The following ZAN variants were observed in gnomAD, a reference collection of about 807,000 sequenced individuals.
The protein encoded by ZAN is zonadhesin.
A neutral mutation model predicts 286.2 loss-of-function variants in ZAN; 260 were observed. That is an observed-to-expected ratio of 0.91 (90% CI 0.82 to 1.01). ZAN has a LOEUF of 1.01. Ranked by LOEUF, ZAN falls within the 50% of genes least tolerant of loss-of-function variation. The pLI is 0.00. For synonymous variants in ZAN, 1,368 were observed against 1,417.5 expected (o/e 0.97, Z 0.79); for missense variants, 3,410 against 3,639.2 (o/e 0.94, Z 1.62).
At chr7:100,785,809 C>T (rs1327678757) in intron 36 of ZAN, among the ~76,000 whole-genome samples, 188 bp from the exon 37 acceptor site, 2 of 152,120 alleles carry the variant, frequency 1.3e-5, no homozygotes, top group Admixed American at 6.6e-5. Context: ...CAAGTGTGTG[C>T]TACCACACCT....
chr7:100,756,194 C>G (rs944396487), intron 15 of ZAN, among the ~76,000 whole-genome samples: 3 of 152,178 alleles, frequency 2.0e-5, no homozygotes, highest in African/African-American at 4.8e-5. Context: ...TAAGTCCTAA[C>G]ACATACAATT....
At position 100,763,935 on chromosome 7, in the gene ZAN, A is replaced by C; in HGVS notation, c.4097+19A>C. 1 of 1,609,884 alleles carries C rather than the reference A, an allele frequency of 6.2e-7. No homozygotes were observed. The highest frequency in any genetic ancestry group is 1.1e-5 in the South Asian group (1 of 90,650). ...CATTTGAGTATGAAGGAGGGCAGGC[A>C]GGGTCGCACAGGGGCGATGCTTGGC... On this transcript the variant is annotated intron_variant, in intron 21 of 47. Coordinates refer to ENST00000613979, the MANE Select transcript of ZAN (RefSeq NM_003386.3). This position sits in a 1 kb window ranked among gnomAD's most constrained non-coding sequence, Gnocchi z 4.6.
chr7:100,771,938 C>A lies in ZAN; in HGVS notation c.5343C>A (p.Ala1781=). 1 of 1,612,426 alleles carries A rather than the reference C, an allele frequency of 6.2e-7. No individual in the cohort carries two copies. Among genetic ancestry groups the A allele is most frequent in the Non-Finnish European group, 8.5e-7 (1 of 1,179,772 alleles). Residue 1781 remains alanine (A), a synonymous_variant, in exon 29 of 48, where the codon GCC becomes GCA. Transcript: ENST00000613979. The stretch of plus-strand genomic sequence containing the variant: ...GTGGGACCAAGGGCGACACCACAGC[C>A]CTGTGCCGCTCCCTGCAGGCCTACG... ...GQCGTKGDTT[A]LCRSLQAYAS...
chr7:100,790,824 A>T, intron 39 of ZAN, 118 bp from the exon 40 acceptor site: 4 of 1,150,880 alleles, frequency 3.5e-6, no homozygotes, highest in Non-Finnish European at 4.7e-6. Context: ...CGGAGGTTGC[A>T]GTGAGCCAAG....
chr7:100,791,140 G>C, intron 40 of ZAN, 27 bp downstream of exon 40: 1 of 1,598,786 alleles, frequency 6.3e-7, no homozygotes, highest in Middle Eastern at 1.7e-4. Flanking sequence ...GGATGAGGCG[G>C]GGGAGGTGAA....
rs757359828 is a variant in ZAN, at chr7:100,797,359, C to T, written c.8267-7C>T. ...TCGACCTAATGTCTCTTCCCCGCAC[C>T]CAGAAGCATCTAACCTGGTGGGCGT... On this transcript the variant is annotated splice_polypyrimidine_tract_variant and splice_region_variant and intron_variant, in intron 45 of 47. Coordinates refer to ENST00000613979, the MANE Select transcript of ZAN (RefSeq NM_003386.3). 2.5e-6 allele frequency: 4 copies of T among 1,613,592 alleles called. No homozygotes were observed. In the Admixed American group the frequency reaches 6.7e-5, roughly 27 times the overall value.
In ZAN at chr7:100,740,290, TTTA is replaced by T. The variant is rs1291753664; in HGVS notation, c.766+1680_766+1682del. ...TTGAGCAGTGACTTGATCTGACTTA[TTTA>T]TTTTTTTTTTTTTAATTTATTTTTT... On this transcript the variant is annotated intron_variant, in intron 7 of 47. Coordinates refer to ENST00000613979, the MANE Select transcript of ZAN (RefSeq NM_003386.3). 2.8e-5 allele frequency among the ~76,000 whole-genome samples: 3 copies of T among 105,500 alleles called. No individual in the cohort carries two copies. In the East Asian group the frequency reaches 6.8e-4, roughly 24 times the overall value. The allele number at this position is 105,500 out of a possible 152,430, so 69.2% of individuals were successfully genotyped here. A position where few individuals can be genotyped will look rare whatever the true frequency, so the allele number is the denominator to read the frequency against.
intron 34 of ZAN, among the ~76,000 whole-genome samples, 167 bp downstream of exon 34, chr7:100,776,731 T>C (rs1381963863): frequency 9.2e-6 from 1 of 108,522 alleles, no homozygotes; most frequent in Non-Finnish European, 1.9e-5. Flanking sequence ...TTTTTTTTTT[T>C]TTTTTTTTTT....
chr7:100,769,175 C>CCT, intron 27 of ZAN, among the ~76,000 whole-genome samples: 2 of 152,110 alleles, frequency 1.3e-5, no homozygotes, highest in African/African-American at 4.8e-5. Flanking sequence ...CTCGCTGCAA[C>CCT]TTCCGCCTCC....
intron 8 of ZAN, 88 bp from the exon 9 acceptor site, chr7:100,747,462 C>T: frequency 9.6e-7 from 1 of 1,037,052 alleles, no homozygotes; most frequent in Non-Finnish European, 1.5e-6. Flanking sequence ...CCAGCTATGC[C>T]CTCTGCTCCT....
chr7:100,746,261 C>G (rs1037331233), intron 7 of ZAN, among the ~76,000 whole-genome samples: 1 of 152,158 alleles, frequency 6.6e-6, no homozygotes, highest in South Asian at 2.1e-4. Flanking sequence ...ACAACAACAA[C>G]AAAGAGTTAG....
intron 11 of ZAN, 99 bp downstream of exon 11, chr7:100,748,569 G>T: frequency 1.4e-6 from 2 of 1,480,032 alleles, no homozygotes; most frequent in Non-Finnish European, 1.8e-6. Flanking sequence ...GTTTCAGGCA[G>T]TGGGAAGATC....
At chr7:100,761,947 G>GATAAATAAATAAATAA (rs113604904) in intron 19 of ZAN, among the ~76,000 whole-genome samples, 1 of 147,982 alleles carries the variant, frequency 6.8e-6, no homozygotes, top group African/African-American at 2.5e-5. Context: ...TGAAAAAAAG[G>GATAAATAAATAAATAA]ATAAATAAAT....
Position 100,789,344 on chromosome 7 carries a change from G to T in ZAN, c.7354G>T (p.Ala2452Ser). The T allele has an allele frequency of 6.2e-7, 1 of 1,613,606 alleles. No individual in the cohort carries two copies. Among genetic ancestry groups the T allele is most frequent in the South Asian group, 1.1e-5 (1 of 90,992 alleles). Residue 2452 changes from alanine (A) to serine (S), a missense_variant, in exon 39 of 48, where the codon GCA (alanine) becomes TCA (serine). Around this residue, in one of 7 missense-constraint regions of ZAN, gnomAD observed 1,289 missense variants for 1,314.3 expected, o/e 0.98. Transcript: ENST00000613979. ...CGTCAGCTTTGGTGGAAGGAAAAATGCAGGTAATGGAGAGAGGGGAAAGAA... is the reference window on the plus strand; with the variant it reads ...CGTCAGCTTTGGTGGAAGGAAAAATTCAGGTAATGGAGAGAGGGGAAAGAA... ...LVVSFGGRKN[A>S]VISLPSMYEG...
chr7:100,791,151 C>A (rs932288878), intron 40 of ZAN, 38 bp downstream of exon 40: 1 of 1,591,262 alleles, frequency 6.3e-7, no homozygotes, highest in African/African-American at 1.3e-5. Context: ...GGGAGGTGAA[C>A]AACAATGTCT....
At chr7:100,760,567 A>ACTTCTTCCTGCTGCCTCTTCCTGCTGCCT (rs1340379595) in intron 19 of ZAN, 31 bp downstream of exon 19, 4 of 1,609,038 alleles carry the variant, frequency 2.5e-6, no homozygotes, top group South Asian at 1.1e-5. Context: ...GGCAGCTGCC[A>ACTTCTTCCTGCTGCCTCTTCCTGCTGCCT]CTTCTTCCTG....
intron 40 of ZAN, among the ~76,000 whole-genome samples, chr7:100,791,395 C>CCTCCTCCTCCTCCTTCTTCTT (rs1318419316): frequency 6.6e-6 from 1 of 151,656 alleles, no homozygotes; most frequent in Non-Finnish European, 1.5e-5. Flanking sequence ...TCCTCCTTCT[C>CCTCCTCCTCCTCCTTCTTCTT]CTCCTCCTCC....
rs1808681874 is a variant in ZAN at position 100,751,796 on chromosome 7, C to T, written c.1691C>T (p.Thr564Ile). ...SETTGLTENP[T>I]ISTKKPTVSI... ...ACCACTGGCCTCACAGAAAACCCTA[C>T]AATCTCCACCAAGAAACCTACAGTT... The change falls in exon 14 of 48, where the codon ACA becomes ATA. Residue 564 changes from threonine (T) to isoleucine (I), a missense_variant. Thr to Ile is a moderately conservative substitution (Grantham distance 89, BLOSUM62 -1). Coordinates refer to ENST00000613979, the MANE Select transcript of ZAN (RefSeq NM_003386.3). 1.2e-6 allele frequency: 2 copies of T among 1,613,196 alleles called. No individual in the cohort carries two copies. The highest frequency in any genetic ancestry group is 1.3e-5 in the African/African-American group (1 of 74,806).
intron 9 of ZAN, 130 bp downstream of exon 9, chr7:100,747,771 G>T (rs1002651209): frequency 1.1e-6 from 1 of 912,824 alleles, no homozygotes; most frequent in Admixed American, 2.1e-5. Context: ...AGGGAGGATC[G>T]CTTCAGGACA....
Sources: gnomAD v4.1 joint callset for allele counts (sites outside exome capture counted in the v4.1 genomes callset) on GRCh38, gnomAD v4.1.1 for gene constraint, gnomAD v4.1.1 regional missense constraint, Gnocchi (gnomAD v3.1) non-coding constraint, MANE v1.5 for transcripts, NCBI Gene and HGNC (gene_info 2026-07-23, HGNC 2026-07-21) for gene names.